Variants in SCAPER observed in about 807,000 individuals in gnomAD.
SCAPER encodes the protein S phase cyclin A-associated protein in the endoplasmic reticulum.
SCAPER carries 98 observed loss-of-function variants against 182.2 expected under a neutral mutation model. That is an observed-to-expected ratio of 0.54 (90% CI 0.46 to 0.64). The LOEUF is 0.64. Among genes scored for constraint, SCAPER ranks in the 30% least tolerant of loss-of-function variants. SCAPER has a pLI of 0.00. For missense variants in SCAPER, 1,432 were observed against 1,690.0 expected, an observed-to-expected ratio of 0.85 and a Z score of 2.68; for synonymous variants, 605 against 564.6, an observed-to-expected ratio of 1.07 and a Z score of -1.01.
intron 24 of SCAPER, among the ~76,000 whole-genome samples, chr15:76,490,254 C>G (rs975513254): frequency 6.6e-6 from 1 of 152,132 alleles, no homozygotes; most frequent in Non-Finnish European, 1.5e-5. Flanking sequence ...ATTTTGGATT[C>G]CAACGAAGAG....
At chr15:76,361,668 G>A (rs1362604438) in intron 29 of SCAPER, among the ~76,000 whole-genome samples, 4 of 152,196 alleles carry the variant, frequency 2.6e-5, no homozygotes, top group Non-Finnish European at 5.9e-5. Context: ...AAGCAGACAT[G>A]AGAATTCAAA....
At chr15:76,483,524 C>T (rs2051323164) in intron 24 of SCAPER, among the ~76,000 whole-genome samples, 1 of 152,086 alleles carries the variant, frequency 6.6e-6, no homozygotes, top group East Asian at 1.9e-4. Context: ...GTTAAAAACA[C>T]TGCTCTGTGA....
chr15:76,589,182 GTGT>G (rs992151537), intron 22 of SCAPER, among the ~76,000 whole-genome samples: 5 of 152,148 alleles, frequency 3.3e-5, no homozygotes, highest in Non-Finnish European at 5.9e-5. Context: ...CACTAGTTTT[GTGT>G]TGTTTGGTCT....
At chr15:76,532,201 T>A (rs554504648) in intron 23 of SCAPER, among the ~76,000 whole-genome samples, 161 of 152,256 alleles carry the variant, frequency 1.1e-3, no homozygotes, top group Non-Finnish European at 1.5e-3. Flanking sequence ...GCACATCTGG[T>A]GCAAGAAGCT....
intron 29 of SCAPER, among the ~76,000 whole-genome samples, chr15:76,358,129 T>G (rs1404183578): frequency 1.3e-5 from 2 of 152,226 alleles, no homozygotes; most frequent in African/African-American, 4.8e-5. Context: ...AATCAGTAAA[T>G]AAATATAATC....
intron 23 of SCAPER, among the ~76,000 whole-genome samples, chr15:76,510,373 CA>C (rs1457788773): frequency 6.6e-6 from 1 of 151,924 alleles, no homozygotes; most frequent in Non-Finnish European, 1.5e-5. Context: ...CTCAAATTAG[CA>C]AGAAAAATTA....
intron 23 of SCAPER, among the ~76,000 whole-genome samples, chr15:76,548,906 C>T (rs368530514): frequency 6.4e-4 from 98 of 152,302 alleles, no homozygotes; most frequent in African/African-American, 2.2e-3. Flanking sequence ...ATGTCTAAAA[C>T]ACCAAAAGCA....
intron 2 of SCAPER, among the ~76,000 whole-genome samples, chr15:76,874,128 A>G (rs2072983335): frequency 6.6e-6 from 1 of 152,136 alleles, no homozygotes; most frequent in Admixed American, 6.5e-5. Flanking sequence ...TCCTAGCCTC[A>G]AGTGATCCAT....
chr15:76,880,050 G>A (rs939478007), intron 2 of SCAPER, among the ~76,000 whole-genome samples: 1 of 152,166 alleles, frequency 6.6e-6, no homozygotes, highest in Non-Finnish European at 1.5e-5. Flanking sequence ...TGGGAAATGA[G>A]GTGTTCTACA....
intron 21 of SCAPER, among the ~76,000 whole-genome samples, chr15:76,634,076 T>C (rs191596625): frequency 6.6e-6 from 1 of 152,348 alleles, no homozygotes; most frequent in East Asian, 1.9e-4. Context: ...GCTGCCATGA[T>C]TCTGCACAGC....
intron 20 of SCAPER, among the ~76,000 whole-genome samples, chr15:76,671,073 G>T (rs1598059829): frequency 1.3e-5 from 2 of 152,270 alleles, no homozygotes; most frequent in South Asian, 2.1e-4. Flanking sequence ...TGGTGCAGGG[G>T]CTCATATCTG....
chr15:76,863,150 C>T (rs577078827), intron 2 of SCAPER, among the ~76,000 whole-genome samples: 60 of 152,312 alleles, frequency 3.9e-4, no homozygotes, highest in African/African-American at 1.3e-3. Context: ...TTCAGCCCCA[C>T]CAACACCCTG....
intron 23 of SCAPER, among the ~76,000 whole-genome samples, chr15:76,551,916 C>A (rs115414885): frequency 7.2e-5 from 11 of 151,974 alleles, no homozygotes; most frequent in Non-Finnish European, 1.2e-4. Context: ...TTCCATTGCT[C>A]CTCTTTCTTT....
rs1449582757 is a variant in SCAPER, at chr15:76,652,272, AAATATATATATATAT to A, written c.2645+13366_2645+13380del. On this transcript the variant is annotated intron_variant, in intron 21 of 31. Coordinates refer to ENST00000563290, the MANE Select transcript of SCAPER (RefSeq NM_020843.4). ...TGTCTCTGCTAAAAAAAAAAAAAAA[AAATATATATATATAT>A]ATATATATATATATATATATATACA... Among the ~76,000 whole-genome samples the A allele has an allele frequency of 2.2e-3, 34 of 15,766 alleles. 4 individuals carry two copies. The East Asian group carries it at 0.055, about 25-fold the overall frequency. 10.3% of individuals were successfully genotyped at this position (15,766 alleles called of 152,430 possible).
intron 24 of SCAPER, among the ~76,000 whole-genome samples, chr15:76,485,411 C>A (rs1379160887): frequency 6.6e-6 from 1 of 152,192 alleles, no homozygotes; most frequent in African/African-American, 2.4e-5. Context: ...AAAAATATTC[C>A]ATGCTTATGG....
intron 5 of SCAPER, among the ~76,000 whole-genome samples, chr15:76,834,886 T>C (rs1382493591): frequency 6.6e-6 from 1 of 151,702 alleles, no homozygotes; most frequent in African/African-American, 2.4e-5. Flanking sequence ...CAATAATGAG[T>C]TCTGAAATGG....
At position 76,354,123 on chromosome 15, in the gene SCAPER, G is replaced by A; in HGVS notation, c.3873C>T (p.Gly1291=). Reference sequence around the variant, plus strand: ...GCTTCTGCAGCACTGTGGGGTGGCGGCCGGACTGCACGATCACCTGAAATG... The same window carrying A: ...GCTTCTGCAGCACTGTGGGGTGGCGACCGGACTGCACGATCACCTGAAATG... ...HPDNQVIVQS[G]RHPTVLQKLC... is the part of the protein sequence containing the mutation. The change falls in exon 30 of 32, where the codon GGC becomes GGT. Residue 1291 remains glycine, a synonymous_variant. Coordinates refer to ENST00000563290, the MANE Select transcript of SCAPER (RefSeq NM_020843.4). The surrounding 1 kb of genome is among the most constrained non-coding windows in gnomAD (Gnocchi z 4.4). 1 of 1,606,208 alleles carries A rather than the reference G, an allele frequency of 6.2e-7. No individual in the cohort carries two copies. Among genetic ancestry groups the A allele is most frequent in the Non-Finnish European group, 8.5e-7 (1 of 1,177,432 alleles).
intron 23 of SCAPER, among the ~76,000 whole-genome samples, chr15:76,572,859 G>A (rs919309347): frequency 6.0e-5 from 9 of 151,180 alleles, no homozygotes; most frequent in Admixed American, 5.3e-4. Flanking sequence ...ATACAAGAAT[G>A]AGCAGCACTG....
intron 22 of SCAPER, among the ~76,000 whole-genome samples, chr15:76,604,705 G>A (rs2050216081): frequency 6.6e-6 from 1 of 152,032 alleles, no homozygotes; most frequent in Non-Finnish European, 1.5e-5. Context: ...ATTTCACTGA[G>A]CAGTGGTTTG....
Sources: allele counts gnomAD v4.1 joint callset (sites outside exome capture counted in the v4.1 genomes callset), GRCh38; gene constraint gnomAD v4.1.1; non-coding constraint Gnocchi (gnomAD v3.1); transcripts MANE v1.5; gene names NCBI Gene and HGNC (gene_info 2026-07-23, HGNC 2026-07-21).